Variants in PRKAG2 observed in about 807,000 individuals in gnomAD.
PRKAG2 encodes the protein 5'-AMP-activated protein kinase subunit gamma-2.
PRKAG2 carries 26 observed loss-of-function variants against 69.6 expected under a neutral mutation model. That is an observed-to-expected ratio of 0.37 (90% CI 0.27 to 0.52). The LOEUF (loss-of-function observed/expected upper bound fraction) is 0.52, where lower values mean the gene tolerates loss of function less well. PRKAG2 is among the 20% of genes least tolerant of loss of function. The probability of loss-of-function intolerance (pLI) is 0.90; values close to 1 mark genes in which losing one functional copy is unlikely to be tolerated. For missense variants in PRKAG2, 557 were observed against 740.0 expected (o/e 0.75, Z 2.87); for synonymous variants, 293 against 285.0 (o/e 1.03, Z -0.28).
chr7:151,814,073 G>T lies in PRKAG2; in HGVS notation c.115-27532C>A, dbSNP rs1295416349. Among the ~76,000 whole-genome samples the T allele has an allele frequency of 6.6e-6, 1 of 152,202 alleles. No individual in the cohort carries two copies. Among genetic ancestry groups the T allele is most frequent in the Non-Finnish European group, 1.5e-5 (1 of 68,032 alleles). On this transcript the variant is annotated intron_variant, in intron 1 of 15. Coordinates refer to ENST00000287878, the MANE Select transcript of PRKAG2 (RefSeq NM_016203.4). The surrounding 1 kb of genome is among the most constrained non-coding windows in gnomAD (Gnocchi z 4.8). Reference sequence around the variant, plus strand: ...GAGGAGACCCTGTACCCAGGACCCAGTGTGTGAGGCAGCTCTGCTCAGCCT... The same window carrying T: ...GAGGAGACCCTGTACCCAGGACCCATTGTGTGAGGCAGCTCTGCTCAGCCT...
chr7:151,609,182 C>T (rs761315130), intron 5 of PRKAG2, among the ~76,000 whole-genome samples: 1 of 152,160 alleles, frequency 6.6e-6, no homozygotes, highest in East Asian at 1.9e-4. Context: ...CTACCATACA[C>T]ATTTTAAAAA....
rs935114992 is a variant in PRKAG2, at chr7:151,777,997, C to T, written c.466+3155G>A. On this transcript the variant is annotated intron_variant, in intron 3 of 15. Coordinates refer to ENST00000287878, the MANE Select transcript of PRKAG2 (RefSeq NM_016203.4). This position sits in a 1 kb window ranked among gnomAD's most constrained non-coding sequence, Gnocchi z 4.3. Reference sequence around the variant, plus strand: ...TCCTGTAGATAGTATCACTATTTAACACCTAAGATTGGTCTTTTGAGATAA... The same window carrying T: ...TCCTGTAGATAGTATCACTATTTAATACCTAAGATTGGTCTTTTGAGATAA... Among the ~76,000 whole-genome samples, 2 of 152,148 alleles carry T rather than the reference C, an allele frequency of 1.3e-5. No individual in the cohort carries two copies. The highest frequency in any genetic ancestry group is 2.9e-5 in the Non-Finnish European group (2 of 68,024).
intron 1 of PRKAG2, among the ~76,000 whole-genome samples, chr7:151,876,066 C>CCCCTCCCCTCTCCT (rs2080393296): frequency 6.8e-6 from 1 of 147,142 alleles, no homozygotes; most frequent in Non-Finnish European, 1.5e-5. Flanking sequence ...CCACCCACCG[C>CCCCTCCCCTCTCCT]CCCTCCCCTC....
At chr7:151,743,457 A>G (rs1296174262) in intron 3 of PRKAG2, among the ~76,000 whole-genome samples, 1 of 152,312 alleles carries the variant, frequency 6.6e-6, no homozygotes, top group Non-Finnish European at 1.5e-5. Context: ...TGTGTTCTTT[A>G]CGTGTGTCTT....
chr7:151,813,187 G>C (rs1332636869), intron 1 of PRKAG2, among the ~76,000 whole-genome samples: 1 of 152,110 alleles, frequency 6.6e-6, no homozygotes, highest in Non-Finnish European at 1.5e-5. Context: ...CCGAATTCTC[G>C]ATTTATGTTT....
At chr7:151,714,314 C>T (rs1025377852) in intron 3 of PRKAG2, among the ~76,000 whole-genome samples, 8 of 152,232 alleles carry the variant, frequency 5.3e-5, no homozygotes, top group South Asian at 2.1e-4. Flanking sequence ...GCAGGGCTTC[C>T]GAGAGAGCCG....
At position 151,747,323 on chromosome 7, in the gene PRKAG2, G is replaced by A. The variant is rs575445542; in HGVS notation, c.466+33829C>T. On this transcript the variant is annotated intron_variant, in intron 3 of 15. Coordinates refer to ENST00000287878, the MANE Select transcript of PRKAG2 (RefSeq NM_016203.4). ...AGTAATCTCAGCACTTTGGGAGGCC[G>A]AGGTGGGTGGATCACCTGAGGTCAG... is the stretch of plus-strand genomic sequence containing the variant. Among the ~76,000 whole-genome samples the A allele has an allele frequency of 7.9e-5, 12 of 152,322 alleles. 1 individual carries two copies. In the East Asian group the frequency reaches 1.4e-3, roughly 17 times the overall value.
chr7:151,675,271 G>T, intron 4 of PRKAG2, 149 bp downstream of exon 4: 1 of 832,914 alleles, frequency 1.2e-6, no homozygotes, highest in Non-Finnish European at 2.0e-6. Context: ...TTCTCCCTCA[G>T]CCTGTGATTT....
chr7:151,712,114 C>T (rs185545496), intron 3 of PRKAG2, among the ~76,000 whole-genome samples: 7 of 152,358 alleles, frequency 4.6e-5, no homozygotes, highest in Non-Finnish European at 1.0e-4. Context: ...GGCCTTCCTC[C>T]GCGGCGCGTA....
chr7:151,852,093 A>T (rs1279594032), intron 1 of PRKAG2, among the ~76,000 whole-genome samples: 3 of 152,202 alleles, frequency 2.0e-5, no homozygotes, highest in African/African-American at 7.2e-5. Flanking sequence ...GAGTGACAGG[A>T]CGGACGCACA....
intron 5 of PRKAG2, among the ~76,000 whole-genome samples, chr7:151,619,127 G>A (rs1820873985): frequency 6.6e-6 from 1 of 152,192 alleles, no homozygotes. Context: ...CCTTGAAATT[G>A]TATGTGGCTC....
intron 5 of PRKAG2, among the ~76,000 whole-genome samples, chr7:151,602,607 C>T (rs1816377355): frequency 6.6e-6 from 1 of 152,118 alleles, no homozygotes; most frequent in Non-Finnish European, 1.5e-5. Flanking sequence ...AAAAAAGTTG[C>T]AAAGCTGGAA....
chr7:151,834,644 T>C (rs2079106866), intron 1 of PRKAG2, among the ~76,000 whole-genome samples: 2 of 152,186 alleles, frequency 1.3e-5, no homozygotes, highest in Admixed American at 1.3e-4. Context: ...ATGTGGACCA[T>C]CTGGGGTCGG....
Position 151,702,075 on chromosome 7 carries a change from G to C in PRKAG2, c.467-26438C>G, listed in dbSNP as rs571595966. Reference sequence around the variant, plus strand: ...GGGTGCTAATCCAGCTGCACTGTCCGTATTTCCAATGCTCAACAGCCAGAT... The same window carrying C: ...GGGTGCTAATCCAGCTGCACTGTCCCTATTTCCAATGCTCAACAGCCAGAT... On this transcript the variant is annotated intron_variant, in intron 3 of 15. Coordinates refer to ENST00000287878, the MANE Select transcript of PRKAG2 (RefSeq NM_016203.4). Among the ~76,000 whole-genome samples the C allele has an allele frequency of 2.6e-5, 4 of 152,274 alleles. No individual in the cohort carries two copies. In the East Asian group the frequency reaches 7.7e-4, roughly 29 times the overall value.
At position 151,781,242 on chromosome 7, in the gene PRKAG2, T is replaced by C. The variant is rs1379819489; in HGVS notation, c.376A>G (p.Ile126Val). 2.5e-6 allele frequency: 4 copies of C among 1,613,938 alleles called. No individual in the cohort carries two copies. Among genetic ancestry groups the C allele is most frequent in the Non-Finnish European group, 2.5e-6 (3 of 1,180,052 alleles). The change falls in exon 3 of 16, where the codon ATC (isoleucine) becomes GTC (valine). Residue 126 changes from isoleucine (I) to valine (V), a missense_variant. Physicochemically the swap from Ile to Val is conservative, Grantham distance 29 (BLOSUM62 3). Transcript: ENST00000287878. The surrounding 1 kb of genome is among the most constrained non-coding windows in gnomAD (Gnocchi z 6.1). Reference sequence around the variant, plus strand: ...GACTCTTTGGAGGAGGAGCGGAAGATCCCACTGAAGCTCATGCGTCGAGGG... The same window carrying C: ...GACTCTTTGGAGGAGGAGCGGAAGACCCCACTGAAGCTCATGCGTCGAGGG... ...RSPRRMSFSG[I>V]FRSSSKESSP...
At position 151,775,393 on chromosome 7, in the gene PRKAG2, C is replaced by T. The variant is rs190553825; in HGVS notation, c.466+5759G>A. On this transcript the variant is annotated intron_variant, in intron 3 of 15. Transcript: ENST00000287878. ...TCTCTGGATCTCTTGGAAAGATCCA[C>T]GAATTCTTGCTGCTGAGGCCTCAGG... is the stretch of plus-strand genomic sequence containing the variant. Among the ~76,000 whole-genome samples the T allele has an allele frequency of 1.4e-3, 217 of 152,342 alleles. 4 individuals are homozygous for T. Among genetic ancestry groups the T allele is most frequent in the South Asian group, 1.2e-3 (6 of 4,826 alleles).
chr7:151,827,744 G>GGAAA (rs2078932406), intron 1 of PRKAG2, among the ~76,000 whole-genome samples: 2 of 32,140 alleles, frequency 6.2e-5, no homozygotes, highest in Non-Finnish European at 1.4e-4. Flanking sequence ...GTGGCCTTAG[G>GGAAA]TAAAAAAAAA....
intron 1 of PRKAG2, among the ~76,000 whole-genome samples, chr7:151,857,601 C>T (rs2079818006): frequency 6.6e-6 from 1 of 152,210 alleles, no homozygotes; most frequent in South Asian, 2.1e-4. Flanking sequence ...GTGCCACCCC[C>T]TGCCAACGGC....
intron 5 of PRKAG2, among the ~76,000 whole-genome samples, chr7:151,625,643 A>G (rs1822659952): frequency 6.6e-6 from 1 of 152,176 alleles, no homozygotes; most frequent in African/African-American, 2.4e-5. Flanking sequence ...GAGAGAGGTG[A>G]ACAAGCCGGA....
Sources: allele counts gnomAD v4.1 joint callset (sites outside exome capture counted in the v4.1 genomes callset), GRCh38; gene constraint gnomAD v4.1.1; non-coding constraint Gnocchi (gnomAD v3.1); transcripts MANE v1.5; gene names NCBI Gene and HGNC (gene_info 2026-07-23, HGNC 2026-07-21).